Variants in PHKA1 observed in about 807,000 individuals in gnomAD.
The protein encoded by PHKA1 is phosphorylase b kinase regulatory subunit alpha, skeletal muscle isoform.
PHKA1 carries 60 observed loss-of-function variants against 110.2 expected under a neutral mutation model. The ratio of observed to expected loss-of-function variants is 0.54; its 90% CI spans 0.44 to 0.68. PHKA1 has a LOEUF of 0.68. Ranked by LOEUF, PHKA1 falls within the 30% of genes least tolerant of loss-of-function variation. PHKA1 has a pLI of 0.00. For missense variants in PHKA1, 801 were observed against 942.5 expected, an observed-to-expected ratio of 0.85 and a Z score of 1.97; for synonymous variants, 316 against 333.6, an observed-to-expected ratio of 0.95 and a Z score of 0.58.
intron 9 of PHKA1, among the ~76,000 whole-genome samples, chrX:72,656,558 C>T (rs1053009476): frequency 8.9e-6 from 1 of 112,063 alleles, no homozygotes; most frequent in African/African-American, 3.2e-5. Context: ...AGAAGGGCAA[C>T]TAGAGATGAG....
chrX:72,587,577 A>G (rs1556216003), intron 29 of PHKA1, among the ~76,000 whole-genome samples: 1 of 111,850 alleles, frequency 8.9e-6, no homozygotes, highest in African/African-American at 3.3e-5. Flanking sequence ...AAATTTACAC[A>G]TAACAATATT....
chrX:72,669,356 TG>T (rs2053651948), intron 6 of PHKA1, among the ~76,000 whole-genome samples: 6 of 110,924 alleles, frequency 5.4e-5, no homozygotes, highest in African/African-American at 1.6e-4. Flanking sequence ...TCTTTTTTTT[TG>T]TTGTTGTTGT....
At chrX:72,686,293 C>T (rs1490198410) in intron 4 of PHKA1, among the ~76,000 whole-genome samples, 2 of 112,160 alleles carry the variant, frequency 1.8e-5, no homozygotes, top group Non-Finnish European at 3.8e-5. Context: ...AACCACATCA[C>T]CTTCACCACT....
At chrX:72,641,103 C>A (rs1420451577) in intron 14 of PHKA1, among the ~76,000 whole-genome samples, 2 of 111,505 alleles carry the variant, frequency 1.8e-5, no homozygotes, top group East Asian at 5.6e-4. Flanking sequence ...TTTATACATA[C>A]TAAAACCTAC....
chrX:72,590,364 C>A (rs1277661909), intron 29 of PHKA1, among the ~76,000 whole-genome samples: 1 of 111,852 alleles, frequency 8.9e-6, no homozygotes, highest in Non-Finnish European at 1.9e-5. Flanking sequence ...GGAAAACTGG[C>A]TAGCCATATG....
At chrX:72,711,596 T>C (rs1556334773) in intron 2 of PHKA1, among the ~76,000 whole-genome samples, 1 of 110,718 alleles carries the variant, frequency 9.0e-6, no homozygotes, top group African/African-American at 3.3e-5. Context: ...TACAAAAAAT[T>C]AGCCAGGCGT....
At chrX:72,670,388 C>G (rs2053676532) in intron 6 of PHKA1, among the ~76,000 whole-genome samples, 1 of 111,591 alleles carries the variant, frequency 9.0e-6, no homozygotes, top group East Asian at 2.8e-4. Flanking sequence ...AATTAGATCC[C>G]ATTTGTCAAT....
chrX:72,634,311 T>C (rs2053202519), intron 16 of PHKA1, among the ~76,000 whole-genome samples: 1 of 111,362 alleles, frequency 9.0e-6, no homozygotes. Context: ...TCAAATCCTG[T>C]GATATTGAAG....
chrX:72,652,545 T>G lies in PHKA1; in HGVS notation c.1244A>C (p.Glu415Ala). 1 of 1,102,146 alleles carries G rather than the reference T, an allele frequency of 9.1e-7. No homozygotes were observed. The highest frequency in any genetic ancestry group is 2.2e-5 in the Admixed American group (1 of 45,889). 90.8% of individuals were successfully genotyped at this position (1,102,146 alleles called of 1,213,427 possible). ...GACAGCCTTGAAGATTCCTCTTACC[T>G]CTGCCATCAAGCTTCCTAAAATGTA... Reference protein sequence around the residue: ...SLYILGSLMAEGFLAPGEIDP... With the variant: ...SLYILGSLMAAGFLAPGEIDP... Residue 415 changes from glutamate to alanine, a missense_variant and splice_region_variant, in exon 12 of 32, where the codon GAG (glutamate) becomes GCG (alanine). Around this residue, in one of 2 missense-constraint regions of PHKA1, gnomAD observed 299 missense variants for 423.3 expected, o/e 0.71. Coordinates refer to ENST00000373542, the MANE Select transcript of PHKA1 (RefSeq NM_002637.4).
chrX:72,710,506 C>CA (rs1184567674), intron 2 of PHKA1, among the ~76,000 whole-genome samples: 1 of 111,425 alleles, frequency 9.0e-6, no homozygotes, highest in Non-Finnish European at 1.9e-5. Flanking sequence ...ACCCTAATGA[C>CA]AAAAAAAGAT....
intron 15 of PHKA1, among the ~76,000 whole-genome samples, chrX:72,635,917 A>T (rs1215867623): frequency 8.9e-6 from 1 of 111,881 alleles, no homozygotes; most frequent in East Asian, 2.8e-4. Context: ...CTTCCTCCAA[A>T]CAAAGAAAAC....
At chrX:72,660,762 TG>T (rs1421366300) in intron 8 of PHKA1, 1 of 263,209 alleles carries the variant, frequency 3.8e-6, no homozygotes, top group East Asian at 8.2e-5. Context: ...AAGAAAATAA[TG>T]GTTCTTTGTG....
At position 72,652,531 on chromosome X, in the gene PHKA1, A is replaced by T; in HGVS notation, c.1245+13T>A. ...GCAGAAAAAAGTGGGACAGCCTTGA[A>T]GATTCCTCTTACCTCTGCCATCAAG... On this transcript the variant is annotated intron_variant, in intron 12 of 31. Coordinates refer to ENST00000373542, the MANE Select transcript of PHKA1 (RefSeq NM_002637.4). 1 of 996,044 alleles carries T rather than the reference A, an allele frequency of 1.0e-6. No individual in the cohort carries two copies. The highest frequency in any genetic ancestry group is 1.4e-6 in the Non-Finnish European group (1 of 698,843). The allele number at this position is 996,044 out of a possible 1,213,427, so 82.1% of individuals were successfully genotyped here. A position where few individuals can be genotyped will look rare whatever the true frequency, so the allele number is the denominator to read the frequency against.
chrX:72,682,934 TAAAA>T (rs1164416043), intron 5 of PHKA1, among the ~76,000 whole-genome samples: 9 of 63,855 alleles, frequency 1.4e-4, no homozygotes, highest in Non-Finnish European at 2.2e-4. Context: ...AAAAATAAAT[TAAAA>T]AAAAAAAAAA....
At chrX:72,660,891 C>T (rs1169665854) in intron 8 of PHKA1, among the ~76,000 whole-genome samples, 6 of 111,755 alleles carry the variant, frequency 5.4e-5, no homozygotes, top group Non-Finnish European at 9.4e-5. Flanking sequence ...AAAATACATA[C>T]GATTAATGAA....
At chrX:72,645,801 G>T (rs1279823029) in intron 13 of PHKA1, among the ~76,000 whole-genome samples, 1 of 112,105 alleles carries the variant, frequency 8.9e-6, no homozygotes, top group Non-Finnish European at 1.9e-5. Context: ...AAAATGACCT[G>T]CTAGGTAAAT....
chrX:72,703,663 G>A (rs782005813), intron 3 of PHKA1, among the ~76,000 whole-genome samples: 2 of 111,617 alleles, frequency 1.8e-5, no homozygotes, highest in Admixed American at 9.5e-5. Flanking sequence ...CAGCCTGAGC[G>A]ACAAAGTGAG....
At chrX:72,590,810 A>G (rs2147655798) in intron 29 of PHKA1, among the ~76,000 whole-genome samples, 1 of 112,782 alleles carries the variant, frequency 8.9e-6, no homozygotes, top group South Asian at 3.7e-4. Context: ...CATGTGAAAA[A>G]ATGCTCATCA....
rs1296341648 is a variant in PHKA1, at chrX:72,712,675, G to A, written c.237+104C>T. ...ATGAAAGAGGGAAAGGCAAAATACA[G>A]TTCTCTTAGCTTTTGGTGGGTTTCA... On this transcript the variant is annotated intron_variant, in intron 2 of 31. Coordinates refer to ENST00000373542, the MANE Select transcript of PHKA1 (RefSeq NM_002637.4). 8 of 743,705 alleles carry A rather than the reference G, an allele frequency of 1.1e-5. 1 individual carries two copies. The African/African-American group carries it at 1.3e-4, about 12-fold the overall frequency. 61.3% of individuals were successfully genotyped at this position (743,705 alleles called of 1,213,427 possible).
Sources: gnomAD v4.1 joint callset for allele counts (sites outside exome capture counted in the v4.1 genomes callset) on GRCh38, gnomAD v4.1.1 for gene constraint, gnomAD v4.1.1 regional missense constraint, MANE v1.5 for transcripts, NCBI Gene and HGNC (gene_info 2026-07-23, HGNC 2026-07-21) for gene names.